Variants in CSMD1 observed in about 807,000 individuals in gnomAD.
The protein encoded by CSMD1 is CUB and sushi domain-containing protein 1.
A neutral mutation model predicts 417.5 loss-of-function variants in CSMD1; 213 were observed. The observed-to-expected ratio is 0.51, with a 90% confidence interval of 0.46 to 0.57. The LOEUF is 0.57. CSMD1 is among the 20% of genes least tolerant of loss of function. CSMD1 has a pLI of 0.00. For synonymous variants in CSMD1, 2,862 were observed against 1,736.8 expected, an observed-to-expected ratio of 1.65 and a Z score of -16.11; for missense variants, 6,923 against 4,529.7, an observed-to-expected ratio of 1.53 and a Z score of -15.17.
chr8:4,344,261 G>A (rs1256063984), intron 3 of CSMD1, among the ~76,000 whole-genome samples: 1 of 152,026 alleles, frequency 6.6e-6, no homozygotes, highest in Non-Finnish European at 1.5e-5. Flanking sequence ...CTTTACACGT[G>A]TTCATTCAAT....
intron 7 of CSMD1, among the ~76,000 whole-genome samples, chr8:3,632,904 A>C (rs1796854329): frequency 6.6e-6 from 1 of 152,226 alleles, no homozygotes; most frequent in Non-Finnish European, 1.5e-5. Context: ...CAGACAACAA[A>C]ATGAAGCAAG....
At chr8:3,151,893 T>TA (rs1453897855) in intron 39 of CSMD1, among the ~76,000 whole-genome samples, 3 of 152,208 alleles carry the variant, frequency 2.0e-5, no homozygotes, top group Admixed American at 2.0e-4. Flanking sequence ...ATGTGGTACT[T>TA]ACTGTGCCTA....
chr8:4,062,915 C>CA (rs71205413), intron 3 of CSMD1, among the ~76,000 whole-genome samples: 24,137 of 147,344 alleles, frequency 0.16, 2,072 homozygotes, highest in Middle Eastern at 0.22. Flanking sequence ...CTGATCATTG[C>CA]AAAAAAAAAA....
chr8:3,062,870 TCTA>T lies in CSMD1; in HGVS notation c.7475-10226_7475-10224del, dbSNP rs565623585. On this transcript the variant is annotated intron_variant, in intron 49 of 69. Coordinates refer to ENST00000635120, the MANE Select transcript of CSMD1 (RefSeq NM_033225.6). ...TGTGCAAGTAACTGACTTTTACCCA[TCTA>T]CTTTTAGAGTGTTGTTCAAAAGAGA... Among the ~76,000 whole-genome samples the T allele has an allele frequency of 5.6e-4, 85 of 152,318 alleles. 1 individual carries two copies. The highest frequency in any genetic ancestry group is 2.0e-3 in the African/African-American group (82 of 41,572).
intron 5 of CSMD1, among the ~76,000 whole-genome samples, chr8:3,847,041 T>A (rs1297312321): frequency 1.3e-5 from 2 of 152,088 alleles, no homozygotes; most frequent in Non-Finnish European, 2.9e-5. Flanking sequence ...CTCTTAGCAA[T>A]CTAGTCTCAG....
At chr8:3,815,135 G>T (rs186761265) in intron 5 of CSMD1, among the ~76,000 whole-genome samples, 3 of 152,266 alleles carry the variant, frequency 2.0e-5, no homozygotes, top group Admixed American at 6.5e-5. Flanking sequence ...ATTTTGCTTA[G>T]TATTTCTCCC....
At position 2,975,405 on chromosome 8, in the gene CSMD1, A is replaced by G. The variant is rs568532355; in HGVS notation, c.8567-781T>C. Among the ~76,000 whole-genome samples, 9 of 152,314 alleles carry G rather than the reference A, an allele frequency of 5.9e-5. No homozygotes were observed. In the South Asian group the frequency reaches 1.9e-3, roughly 32 times the overall value. On this transcript the variant is annotated intron_variant, in intron 55 of 69. Transcript: ENST00000635120. ...TCTATATGCAAAAATAACCGATTTG[A>G]GACTACCAAGGAATTACTCAAAGGC...
Position 3,188,873 on chromosome 8 carries a change from C to A in CSMD1, c.5523+14G>T, listed in dbSNP as rs1270138522. On this transcript the variant is annotated intron_variant, in intron 35 of 69. Transcript: ENST00000635120. The stretch of plus-strand genomic sequence containing the variant: ...GCTGAGCCCTGTTGTAGACTGTGGA[C>A]TTCAAGGACTCACCTGAATTCCCGA... 3.2e-6 allele frequency: 5 copies of A among 1,550,468 alleles called. No homozygotes were observed. Among genetic ancestry groups the A allele is most frequent in the Non-Finnish European group, 4.4e-6 (5 of 1,146,666 alleles).
intron 18 of CSMD1, among the ~76,000 whole-genome samples, chr8:3,370,453 G>A (rs973057117): frequency 3.3e-5 from 5 of 152,144 alleles, no homozygotes; most frequent in Non-Finnish European, 5.9e-5. Context: ...CTCAGATCTC[G>A]AGACCAGGCT....
chr8:4,250,669 T>C (rs1445433988), intron 3 of CSMD1, among the ~76,000 whole-genome samples: 1 of 152,264 alleles, frequency 6.6e-6, no homozygotes, highest in South Asian at 2.1e-4. Context: ...TTATCAGTTA[T>C]AATTTTATGT....
chr8:2,994,617 T>C (rs1158342957), intron 54 of CSMD1, among the ~76,000 whole-genome samples: 3 of 152,188 alleles, frequency 2.0e-5, no homozygotes, highest in Non-Finnish European at 4.4e-5. Flanking sequence ...AATGTAGAAA[T>C]TAAAGCCATC....
At chr8:4,106,216 T>G (rs766816802) in intron 3 of CSMD1, among the ~76,000 whole-genome samples, 1 of 152,194 alleles carries the variant, frequency 6.6e-6, no homozygotes, top group Non-Finnish European at 1.5e-5. Context: ...AATCCAGCAT[T>G]GGGTCAGGGA....
chr8:4,102,722 TTA>T (rs2130883452), intron 3 of CSMD1, among the ~76,000 whole-genome samples: 1 of 152,310 alleles, frequency 6.6e-6, no homozygotes, highest in East Asian at 1.9e-4. Flanking sequence ...CCAAAAGATT[TTA>T]GACAAGATAT....
intron 1 of CSMD1, among the ~76,000 whole-genome samples, chr8:4,723,967 C>G (rs1301131383): frequency 6.6e-6 from 1 of 151,964 alleles, no homozygotes. Context: ...CATCCAATCT[C>G]GGGCAGAAAG....
At position 3,307,748 on chromosome 8, in the gene CSMD1, G is replaced by A. The variant is rs2117388195; in HGVS notation, c.3897C>T (p.Asp1299=). 1 of 1,613,732 alleles carries A rather than the reference G, an allele frequency of 6.2e-7. No individual in the cohort carries two copies. The highest frequency in any genetic ancestry group is 2.2e-5 in the East Asian group (1 of 44,852). The change falls in exon 25 of 70, where the codon GAC becomes GAT. Residue 1299 remains aspartate (D), a synonymous_variant. Coordinates refer to ENST00000635120, the MANE Select transcript of CSMD1 (RefSeq NM_033225.6). ...ILSPGYPAPY[D]NNLHCTWIIE... is the part of the protein sequence containing the mutation. ...TAATCCAGGTGCAGTGGAGGTTGTT[G>A]TCATACGGAGCTGGATAGCCAGGGG...
intron 12 of CSMD1, among the ~76,000 whole-genome samples, chr8:3,421,026 T>C (rs1813456255): frequency 6.6e-6 from 1 of 152,208 alleles, no homozygotes; most frequent in Admixed American, 6.5e-5. Flanking sequence ...CTAAAAGCTG[T>C]GTAAAGTTTT....
chr8:4,333,409 T>C (rs2128891830), intron 3 of CSMD1, among the ~76,000 whole-genome samples: 1 of 152,220 alleles, frequency 6.6e-6, no homozygotes, highest in Non-Finnish European at 1.5e-5. Context: ...TTCTGTCTCC[T>C]CAACTACCTG....
chr8:3,773,952 G>A (rs1272650636), intron 5 of CSMD1, among the ~76,000 whole-genome samples: 1 of 152,162 alleles, frequency 6.6e-6, no homozygotes, highest in Non-Finnish European at 1.5e-5. Flanking sequence ...ACAGCTAACA[G>A]GAGCCTGTGC....
At chr8:4,663,089 G>A (rs912040731) in intron 1 of CSMD1, among the ~76,000 whole-genome samples, 17 of 152,134 alleles carry the variant, frequency 1.1e-4, no homozygotes, top group Non-Finnish European at 1.5e-4. Context: ...CAACCCCTGA[G>A]GACAGGAGGG....
Sources: gnomAD v4.1 joint callset for allele counts (sites outside exome capture counted in the v4.1 genomes callset) on GRCh38, gnomAD v4.1.1 for gene constraint, MANE v1.5 for transcripts, NCBI Gene and HGNC (gene_info 2026-07-23, HGNC 2026-07-21) for gene names.